The following LRMDA variants were observed in gnomAD, a reference collection of about 807,000 sequenced individuals.
The protein encoded by LRMDA is leucine rich melanocyte differentiation associated, also known as leucine-rich melanocyte differentiation-associated protein.
LRMDA carries 18 observed loss-of-function variants against 29.8 expected under a neutral mutation model. The ratio of observed to expected loss-of-function variants is 0.60; its 90% CI spans 0.42 to 0.90. The LOEUF is 0.90. Among genes scored for constraint, LRMDA ranks in the 40% least tolerant of loss-of-function variants. The pLI is 0.00. For synonymous variants in LRMDA, 125 were observed against 109.4 expected (o/e 1.14, Z -0.89); for missense variants, 273 against 273.9 (o/e 1.00, Z 0.02).
intron 2 of LRMDA, among the ~76,000 whole-genome samples, chr10:75,884,239 G>A (rs1322376384): frequency 4.3e-5 from 6 of 139,388 alleles, no homozygotes; most frequent in South Asian, 2.5e-4. Flanking sequence ...GGAAGGGCAG[G>A]CGACTTTGTG....
rs113101712 is a variant in LRMDA at position 75,446,556 on chromosome 10, C to T, written c.131+8062C>T. On this transcript the variant is annotated intron_variant, in intron 2 of 6. Transcript: ENST00000611255. Reference sequence around the variant, plus strand: ...AGAGCCAGTAAATGATTTGCCACTTCGTCTTTTAGTAATATGATCATCAGT... The same window carrying T: ...AGAGCCAGTAAATGATTTGCCACTTTGTCTTTTAGTAATATGATCATCAGT... Among the ~76,000 whole-genome samples the T allele has an allele frequency of 3.5e-3, 534 of 152,270 alleles. 3 individuals carry two copies. The highest frequency in any genetic ancestry group is 0.011 in the African/African-American group (477 of 41,552).
At chr10:75,740,929 A>G (rs1842821271) in intron 2 of LRMDA, among the ~76,000 whole-genome samples, 2 of 152,054 alleles carry the variant, frequency 1.3e-5, no homozygotes, top group South Asian at 2.1e-4. Context: ...ATATATATAT[A>G]TGGAATTTAT....
chr10:75,435,280 T>TCAA (rs1844251672), intron 1 of LRMDA, among the ~76,000 whole-genome samples: 1 of 152,238 alleles, frequency 6.6e-6, no homozygotes, highest in Non-Finnish European at 1.5e-5. Flanking sequence ...ATTTTTGGTT[T>TCAA]GGCTCTTCTG....
intron 5 of LRMDA, among the ~76,000 whole-genome samples, chr10:76,105,532 C>T (rs574355078): frequency 2.0e-5 from 3 of 152,020 alleles, no homozygotes; most frequent in Non-Finnish European, 4.4e-5. Context: ...ATAGAAGAGA[C>T]AGGGAAACAG....
At chr10:75,452,459 C>T (rs775702225) in intron 2 of LRMDA, among the ~76,000 whole-genome samples, 4 of 151,592 alleles carry the variant, frequency 2.6e-5, no homozygotes, top group Non-Finnish European at 4.4e-5. Flanking sequence ...ATTTTTTTTT[C>T]CCCTTTGCTT....
intron 2 of LRMDA, among the ~76,000 whole-genome samples, chr10:75,873,746 A>C (rs10824346): frequency 6.6e-6 from 1 of 151,600 alleles, no homozygotes. Context: ...AAATGGCTTT[A>C]TGATCATTTT....
At chr10:75,559,025 A>C (rs1432586159) in intron 2 of LRMDA, among the ~76,000 whole-genome samples, 1 of 150,738 alleles carries the variant, frequency 6.6e-6, no homozygotes, top group African/African-American at 2.4e-5. Context: ...AGCATGATTT[A>C]TAGTCCTTTG....
At chr10:76,368,405 G>A (rs1190665038) in intron 6 of LRMDA, among the ~76,000 whole-genome samples, 2 of 152,062 alleles carry the variant, frequency 1.3e-5, no homozygotes, top group East Asian at 3.8e-4. Flanking sequence ...GTATTTGCAT[G>A]GTTTTGAAGA....
chr10:76,482,624 G>A (rs1442858637), intron 6 of LRMDA, among the ~76,000 whole-genome samples: 1 of 151,780 alleles, frequency 6.6e-6, no homozygotes, highest in African/African-American at 2.4e-5. Flanking sequence ...TTCCAGTTTG[G>A]GGCTATAGTC....
At chr10:75,525,529 G>C (rs761428928) in intron 2 of LRMDA, among the ~76,000 whole-genome samples, 1 of 151,796 alleles carries the variant, frequency 6.6e-6, no homozygotes, top group African/African-American at 2.4e-5. Flanking sequence ...GACTTGGTAA[G>C]ACTGGGATTG....
At chr10:75,564,632 C>T (rs979991990) in intron 2 of LRMDA, among the ~76,000 whole-genome samples, 14 of 152,260 alleles carry the variant, frequency 9.2e-5, no homozygotes, top group East Asian at 1.9e-4. Flanking sequence ...GCGTCGCTCA[C>T]GCTGGGAGCT....
chr10:76,142,503 A>G (rs1850221491), intron 5 of LRMDA, among the ~76,000 whole-genome samples: 2 of 126,122 alleles, frequency 1.6e-5, no homozygotes, highest in African/African-American at 3.1e-5. Context: ...GGTAAAAACA[A>G]AGCTTGTCAC....
intron 5 of LRMDA, among the ~76,000 whole-genome samples, chr10:76,155,728 C>T (rs189962600): frequency 3.9e-5 from 6 of 152,186 alleles, no homozygotes; most frequent in Admixed American, 1.3e-4. Context: ...AGCGCCTAAA[C>T]TTTTGCTGTA....
chr10:76,359,788 T>C (rs1160654540), intron 6 of LRMDA, among the ~76,000 whole-genome samples: 1 of 152,220 alleles, frequency 6.6e-6, no homozygotes, highest in Non-Finnish European at 1.5e-5. Flanking sequence ...TTGGTTAGAA[T>C]AGCGGCTTTT....
intron 5 of LRMDA, among the ~76,000 whole-genome samples, chr10:76,268,519 C>T (rs1167536990): frequency 1.3e-5 from 2 of 152,240 alleles, no homozygotes; most frequent in Non-Finnish European, 2.9e-5. Context: ...TCTGATGTAA[C>T]TCTTAATGAT....
At chr10:76,080,255 C>T (rs971654806) in intron 5 of LRMDA, among the ~76,000 whole-genome samples, 2 of 152,186 alleles carry the variant, frequency 1.3e-5, no homozygotes, top group East Asian at 1.9e-4. Context: ...CCTTTAACTA[C>T]ATCTTTAAGC....
intron 2 of LRMDA, among the ~76,000 whole-genome samples, chr10:75,953,542 A>G (rs928562942): frequency 2.6e-5 from 4 of 152,192 alleles, no homozygotes; most frequent in Non-Finnish European, 5.9e-5. Context: ...TATGTGCCCA[A>G]ATGAAATTGG....
At chr10:75,649,860 C>T (rs1841574631) in intron 2 of LRMDA, among the ~76,000 whole-genome samples, 1 of 152,106 alleles carries the variant, frequency 6.6e-6, no homozygotes, top group African/African-American at 2.4e-5. Context: ...ATTTGTATTT[C>T]CCTAATGATT....
At chr10:75,982,855 T>C (rs1375708584) in intron 2 of LRMDA, among the ~76,000 whole-genome samples, 1 of 152,214 alleles carries the variant, frequency 6.6e-6, no homozygotes, top group Non-Finnish European at 1.5e-5. Context: ...ACCCACTATG[T>C]GGCAGGCATT....
Sources: allele counts gnomAD v4.1 joint callset (sites outside exome capture counted in the v4.1 genomes callset), GRCh38; gene constraint gnomAD v4.1.1; transcripts MANE v1.5; gene names NCBI Gene and HGNC (gene_info 2026-07-23, HGNC 2026-07-21).